ST3GAL3: variants seen among roughly 807,000 people sequenced by gnomAD.
ST3GAL3 encodes CMP-N-acetylneuraminate-beta-1,4-galactoside alpha-2,3-sialyltransferase.
In ST3GAL3, 21 loss-of-function variants were observed where a neutral mutation model predicts 50.1. The observed-to-expected ratio is 0.42, with a 90% CI of 0.30 to 0.60. The LOEUF (loss-of-function observed/expected upper bound fraction) is 0.60. Among genes scored for constraint, ST3GAL3 ranks in the 20% least tolerant of loss-of-function variants. The pLI is 0.19. For missense variants in ST3GAL3, 353 were observed against 489.4 expected, an observed-to-expected ratio of 0.72 and a Z score of 2.63; for synonymous variants, 183 against 190.0, an observed-to-expected ratio of 0.96 and a Z score of 0.30.
At chr1:43,780,740 A>G (rs931223390) in intron 2 of ST3GAL3, among the ~76,000 whole-genome samples, 1 of 151,694 alleles carries the variant, frequency 6.6e-6, no homozygotes, top group Non-Finnish European at 1.5e-5. Flanking sequence ...CTCACCAAAT[A>G]TATTTTTTAT....
chr1:43,921,646 T>A (rs1422635628), intron 11 of ST3GAL3: 1 of 398,696 alleles, frequency 2.5e-6, no homozygotes, highest in Non-Finnish European at 4.4e-6. Context: ...TCTGTAAGTC[T>A]GGGGGCTCTG....
chr1:43,843,365 A>G (rs2065729924), intron 5 of ST3GAL3, among the ~76,000 whole-genome samples: 1 of 152,214 alleles, frequency 6.6e-6, no homozygotes, highest in African/African-American at 2.4e-5. Context: ...GTCTATTAAT[A>G]TGATGAATTA....
At chr1:43,869,701 C>T (rs1169801977) in intron 5 of ST3GAL3, among the ~76,000 whole-genome samples, 2 of 152,210 alleles carry the variant, frequency 1.3e-5, no homozygotes, top group African/African-American at 2.4e-5. Flanking sequence ...CCAAACCAAG[C>T]GTGGCAAGGT....
intron 2 of ST3GAL3, among the ~76,000 whole-genome samples, chr1:43,749,800 A>C (rs1234535804): frequency 6.6e-6 from 1 of 152,178 alleles, no homozygotes; most frequent in African/African-American, 2.4e-5. Flanking sequence ...CTCATAAATG[A>C]ATGAATGCCA....
At chr1:43,786,042 T>C (rs948066484) in intron 2 of ST3GAL3, among the ~76,000 whole-genome samples, 1 of 152,066 alleles carries the variant, frequency 6.6e-6, no homozygotes, top group Non-Finnish European at 1.5e-5. Context: ...TCTCCTTTTT[T>C]CTCTATTCCC....
In ST3GAL3 at chr1:43,838,408, C is replaced by T. The variant is rs527938851; in HGVS notation, c.302+97C>T. 4 of 1,133,172 alleles carry T rather than the reference C, an allele frequency of 3.5e-6. No homozygotes were observed. The South Asian group carries it at 3.7e-5, about 10-fold the overall frequency. The allele number at this position is 1,133,172 out of a possible 1,614,324, so 70.2% of individuals were successfully genotyped here. A position where few individuals can be genotyped will look rare whatever the true frequency, so the allele number is the denominator to read the frequency against. Reference sequence around the variant, plus strand: ...TCACAGCCAGTCATGTTCTCCTATGCTCTGGAAACCATGGGTTCCTGGAAA... The same window carrying T: ...TCACAGCCAGTCATGTTCTCCTATGTTCTGGAAACCATGGGTTCCTGGAAA... On this transcript the variant is annotated intron_variant, in intron 5 of 11. Coordinates refer to ENST00000347631, the MANE Select transcript of ST3GAL3 (RefSeq NM_006279.5).
rs527382201 is a variant in ST3GAL3 at position 43,737,197 on chromosome 1, A to T, written c.118+817A>T. ...TTGGTGTGGGAAATAGTATAAAATC[A>T]GAACAGAGTGGCCTGTTTTGACCTG... On this transcript the variant is annotated intron_variant, in intron 2 of 11. Transcript: ENST00000347631. This position sits in a 1 kb window ranked among gnomAD's most constrained non-coding sequence, Gnocchi z 4.0. The T allele has an allele frequency of 6.6e-6, 1 of 152,528 alleles. No homozygotes were observed. Among genetic ancestry groups the T allele is most frequent in the Admixed American group, 6.5e-5 (1 of 15,300 alleles). 9.4% of individuals were successfully genotyped at this position (152,528 alleles called of 1,614,324 possible). A position where few individuals can be genotyped will look rare whatever the true frequency, so the allele number is the denominator to read the frequency against.
intron 4 of ST3GAL3, among the ~76,000 whole-genome samples, chr1:43,818,836 A>G (rs1366325727): frequency 2.0e-5 from 3 of 152,260 alleles, no homozygotes; most frequent in African/African-American, 7.2e-5. Flanking sequence ...AAAAGGGGTT[A>G]GCAGCAGATT....
intron 2 of ST3GAL3, among the ~76,000 whole-genome samples, chr1:43,743,046 C>T (rs567134874): frequency 1.3e-5 from 2 of 148,600 alleles, no homozygotes; most frequent in East Asian, 2.0e-4. Context: ...GCCGAGATCG[C>T]GCCACTGCAC....
At chr1:43,774,969 T>C (rs1322826675) in intron 2 of ST3GAL3, among the ~76,000 whole-genome samples, 3 of 152,130 alleles carry the variant, frequency 2.0e-5, no homozygotes, top group African/African-American at 7.2e-5. Flanking sequence ...ACCAGAAAGA[T>C]GCCAGTCTGA....
chr1:43,748,824 C>G (rs996944545), intron 2 of ST3GAL3, among the ~76,000 whole-genome samples: 10 of 152,046 alleles, frequency 6.6e-5, no homozygotes, highest in African/African-American at 2.4e-4. Context: ...CTCATTCTTT[C>G]AAGATTGATC....
At chr1:43,809,822 GTC>G (rs1430838047) in intron 3 of ST3GAL3, among the ~76,000 whole-genome samples, 1 of 151,852 alleles carries the variant, frequency 6.6e-6, no homozygotes, top group East Asian at 1.9e-4. Flanking sequence ...GTGAAACTCC[GTC>G]TCTACTAAAA....
chr1:43,835,595 C>T (rs2154195290), intron 4 of ST3GAL3, among the ~76,000 whole-genome samples: 1 of 152,214 alleles, frequency 6.6e-6, no homozygotes, highest in African/African-American at 2.4e-5. Context: ...ATGACGTGAT[C>T]CTGTGCCCCC....
At chr1:43,887,150 G>T (rs1346467237) in intron 5 of ST3GAL3, among the ~76,000 whole-genome samples, 1 of 152,182 alleles carries the variant, frequency 6.6e-6, no homozygotes, top group Non-Finnish European at 1.5e-5. Context: ...AGAATGTTTG[G>T]AATAGCTGCT....
chr1:43,812,238 C>T (rs552744093), intron 3 of ST3GAL3, among the ~76,000 whole-genome samples: 1 of 144,330 alleles, frequency 6.9e-6, no homozygotes, highest in Admixed American at 6.8e-5. Flanking sequence ...AATCCAGATT[C>T]CTGGCTTGAA....
Position 43,763,728 on chromosome 1 carries a change from G to A in ST3GAL3, c.118+27348G>A, listed in dbSNP as rs562481707. Among the ~76,000 whole-genome samples the A allele has an allele frequency of 4.2e-4, 64 of 152,310 alleles. 1 individual carries two copies. In the South Asian group the frequency reaches 0.012, roughly 29 times the overall value. Reference sequence around the variant, plus strand: ...CTTCAACTCACTTACTAGACCGTGGGCATCCAAAGGCAGGCCAGTGTCTAA... The same window carrying A: ...CTTCAACTCACTTACTAGACCGTGGACATCCAAAGGCAGGCCAGTGTCTAA... On this transcript the variant is annotated intron_variant, in intron 2 of 11. Coordinates refer to ENST00000347631, the MANE Select transcript of ST3GAL3 (RefSeq NM_006279.5).
intron 5 of ST3GAL3, among the ~76,000 whole-genome samples, chr1:43,844,488 C>G (rs2065903042): frequency 1.3e-5 from 2 of 152,146 alleles, no homozygotes; most frequent in Admixed American, 1.3e-4. Flanking sequence ...CTTAAGAGCT[C>G]TGGGTCAGAA....
chr1:43,905,015 A>G (rs1313155756), intron 9 of ST3GAL3, among the ~76,000 whole-genome samples: 310 of 10,406 alleles, frequency 0.03, 2 homozygotes, highest in East Asian at 0.046. Flanking sequence ...TCCTCTTCCC[A>G]CCACTCTTCC....
At chr1:43,716,386 T>G (rs1412736982) in intron 1 of ST3GAL3, 3 of 152,170 alleles carry the variant, frequency 2.0e-5, no homozygotes, top group Admixed American at 6.5e-5. Flanking sequence ...ACTGGAAAAC[T>G]TTTTCGTGGT....
Sources: allele counts gnomAD v4.1 joint callset (sites outside exome capture counted in the v4.1 genomes callset), GRCh38; gene constraint gnomAD v4.1.1; non-coding constraint Gnocchi (gnomAD v3.1); transcripts MANE v1.5; gene names NCBI Gene and HGNC (gene_info 2026-07-23, HGNC 2026-07-21).